STK24: variants seen among roughly 807,000 people sequenced by gnomAD.
STK24 encodes the protein serine/threonine kinase 24, also known as serine/threonine-protein kinase 24.
STK24 carries 21 observed loss-of-function variants against 55.6 expected under a neutral mutation model. The observed-to-expected ratio is 0.38, with a 90% CI of 0.27 to 0.54. The LOEUF (loss-of-function observed/expected upper bound fraction) is 0.54, where lower values mean the gene tolerates loss of function less well. Among genes scored for constraint, STK24 ranks in the 20% least tolerant of loss-of-function variants. The pLI is 0.79. For synonymous variants in STK24, 200 were observed against 215.2 expected, an observed-to-expected ratio of 0.93 and a Z score of 0.62; for missense variants, 383 against 538.4, an observed-to-expected ratio of 0.71 and a Z score of 2.86.
At chr13:98,534,893 G>A (rs1896671254) in intron 1 of STK24, among the ~76,000 whole-genome samples, 2 of 152,194 alleles carry the variant, frequency 1.3e-5, no homozygotes, top group South Asian at 2.1e-4. Context: ...CTGGTCTCCT[G>A]TATAGCCAGC....
At chr13:98,467,485 G>T (rs1193710688) in intron 5 of STK24, among the ~76,000 whole-genome samples, 7 of 152,120 alleles carry the variant, frequency 4.6e-5, no homozygotes, top group Non-Finnish European at 1.0e-4. Context: ...CTGCCAGGTC[G>T]CTAAGGCTCT....
chr13:98,521,882 A>C, intron 1 of STK24: 1 of 861,900 alleles, frequency 1.2e-6, no homozygotes, highest in Non-Finnish European at 2.0e-6. Context: ...AGGCTTCGTC[A>C]GTAACCCCCT....
chr13:98,469,952 T>C (rs1319745203), intron 5 of STK24, among the ~76,000 whole-genome samples: 1 of 152,238 alleles, frequency 6.6e-6, no homozygotes, highest in Non-Finnish European at 1.5e-5. Context: ...ATTTTAAATT[T>C]GGAAAATGGT....
chr13:98,520,750 T>A (rs541764192), intron 1 of STK24, among the ~76,000 whole-genome samples: 1 of 152,228 alleles, frequency 6.6e-6, no homozygotes, highest in Non-Finnish European at 1.5e-5. Context: ...AAGAGAACTG[T>A]TGAAAGCCAG....
Position 98,493,992 on chromosome 13 carries a change from G to A in STK24, c.274-11671C>T, listed in dbSNP as rs575559766. On this transcript the variant is annotated intron_variant, in intron 2 of 10. Coordinates refer to ENST00000539966, the MANE Select transcript of STK24 (RefSeq NM_001032296.4). ...TGAGTAGCTGGGAATACAGGTGCCC[G>A]CCACCATGCCCGGGTAATTTTTTGT... is the stretch of plus-strand genomic sequence containing the variant. Among the ~76,000 whole-genome samples the A allele has an allele frequency of 5.6e-4, 84 of 151,256 alleles. 1 individual carries two copies. Among genetic ancestry groups the A allele is most frequent in the African/African-American group, 1.7e-3 (71 of 41,364 alleles).
intron 2 of STK24, among the ~76,000 whole-genome samples, chr13:98,491,126 T>C (rs1160675242): frequency 6.6e-6 from 1 of 152,104 alleles, no homozygotes; most frequent in East Asian, 1.9e-4. Flanking sequence ...CCTCACCACG[T>C]TCCCGTGAGC....
intron 1 of STK24, among the ~76,000 whole-genome samples, chr13:98,527,107 T>C (rs1896452139): frequency 6.6e-6 from 1 of 152,126 alleles, no homozygotes; most frequent in Admixed American, 6.5e-5. Flanking sequence ...TTTGTGTAGA[T>C]GTGGGCCTAT....
intron 1 of STK24, among the ~76,000 whole-genome samples, chr13:98,526,442 C>A (rs776877140): frequency 1.4e-4 from 22 of 152,238 alleles, no homozygotes; most frequent in Admixed American, 1.0e-3. Flanking sequence ...CTTCTGTCTA[C>A]CTCATTTTAC....
chr13:98,461,054 A>AAAGAGAG (rs368896026), intron 8 of STK24, among the ~76,000 whole-genome samples: 92 of 143,748 alleles, frequency 6.4e-4, no homozygotes, highest in South Asian at 1.1e-3. Context: ...AAAAAAAAAA[A>AAAGAGAG]AGAGAGAGAG....
chr13:98,446,572 G>T lies in STK24; in HGVS notation c.*6601C>A. 7.4e-7 allele frequency: 1 copy of T among 1,343,266 alleles called. No individual in the cohort carries two copies. Among genetic ancestry groups the T allele is most frequent in the South Asian group, 1.3e-5 (1 of 78,110 alleles). 83.2% of individuals were successfully genotyped at this position (1,343,266 alleles called of 1,614,324 possible). ...CCACGCCCGAGGAGGGAGCTGCCTG[G>T]GCTCCCAAGTCCCTGTCTGATGCGG... On this transcript the variant is annotated 3_prime_UTR_variant, in exon 11 of 11. Coordinates refer to ENST00000539966, the MANE Select transcript of STK24 (RefSeq NM_001032296.4).
At chr13:98,514,277 T>C (rs1455925631) in intron 2 of STK24, among the ~76,000 whole-genome samples, 1 of 152,250 alleles carries the variant, frequency 6.6e-6, no homozygotes, top group Non-Finnish European at 1.5e-5. Context: ...TGGCCACTTC[T>C]ATCAGTATTT....
chr13:98,572,046 G>A (rs1897756602), intron 1 of STK24, among the ~76,000 whole-genome samples: 1 of 152,336 alleles, frequency 6.6e-6, no homozygotes, highest in South Asian at 2.1e-4. Flanking sequence ...TGCCTCTTCA[G>A]CTCCAGGACC....
At chr13:98,459,327 C>T (rs1184290946) in intron 9 of STK24, among the ~76,000 whole-genome samples, 1 of 152,256 alleles carries the variant, frequency 6.6e-6, no homozygotes, top group Non-Finnish European at 1.5e-5. Context: ...GTGGCTTCCC[C>T]GACACCAGCG....
intron 3 of STK24, among the ~76,000 whole-genome samples, chr13:98,477,318 G>C (rs1444519407): frequency 6.6e-6 from 1 of 152,162 alleles, no homozygotes; most frequent in Admixed American, 6.5e-5. Flanking sequence ...AGAGATGCCG[G>C]AGTGTTTGCT....
At chr13:98,496,459 C>T (rs1895255694) in intron 2 of STK24, among the ~76,000 whole-genome samples, 1 of 152,190 alleles carries the variant, frequency 6.6e-6, no homozygotes. Context: ...CGTCACTGGG[C>T]CCCGGTGGGC....
At chr13:98,470,877 C>G (rs1016426179) in intron 5 of STK24, among the ~76,000 whole-genome samples, 9 of 152,314 alleles carry the variant, frequency 5.9e-5, no homozygotes, top group African/African-American at 2.2e-4. Flanking sequence ...AGGGATAACC[C>G]TAAATCACAG....
At chr13:98,476,325 C>T (rs766706132) in intron 3 of STK24, among the ~76,000 whole-genome samples, 41 of 152,028 alleles carry the variant, frequency 2.7e-4, no homozygotes, top group South Asian at 2.1e-4. Flanking sequence ...CAGTGCTCCC[C>T]GGAACCACAG....
In STK24 at chr13:98,446,573, G is replaced by A; in HGVS notation, c.*6600C>T. 1 of 1,361,226 alleles carries A rather than the reference G, an allele frequency of 7.3e-7. No individual in the cohort carries two copies. The highest frequency in any genetic ancestry group is 1.0e-6 in the Non-Finnish European group (1 of 970,152). The allele number at this position is 1,361,226 out of a possible 1,614,324, so 84.3% of individuals were successfully genotyped here. A position where few individuals can be genotyped will look rare whatever the true frequency, so the allele number is the denominator to read the frequency against. ...CACGCCCGAGGAGGGAGCTGCCTGG[G>A]CTCCCAAGTCCCTGTCTGATGCGGG... On this transcript the variant is annotated 3_prime_UTR_variant, in exon 11 of 11. Coordinates refer to ENST00000539966, the MANE Select transcript of STK24 (RefSeq NM_001032296.4).
At chr13:98,521,749 C>T (rs748620676) in intron 1 of STK24, 22 of 779,350 alleles carry the variant, frequency 2.8e-5, no homozygotes, top group East Asian at 2.4e-4. Context: ...CTACTATCCT[C>T]GCTGCTTTCA....
Sources: allele counts gnomAD v4.1 joint callset (sites outside exome capture counted in the v4.1 genomes callset), GRCh38; gene constraint gnomAD v4.1.1; transcripts MANE v1.5; gene names NCBI Gene and HGNC (gene_info 2026-07-23, HGNC 2026-07-21).